The following ATP5F1E variants were observed in gnomAD, a reference collection of about 807,000 sequenced individuals.
ATP5F1E encodes the protein ATP synthase F1 subunit epsilon, also known as ATP synthase F(1) complex subunit epsilon, mitochondrial.
ATP5F1E carries 5 observed loss-of-function variants against 7.0 expected under a neutral mutation model. The ratio of observed to expected loss-of-function variants is 0.71; its 90% CI spans 0.37 to 1.49. The LOEUF is 1.49. Ranked by LOEUF, ATP5F1E falls within the 40% of genes most tolerant of loss-of-function variation. ATP5F1E has a pLI of 0.03. For missense variants in ATP5F1E, 59 were observed against 57.1 expected, an observed-to-expected ratio of 1.03 and a Z score of -0.11; for synonymous variants, 20 against 20.1, an observed-to-expected ratio of 0.99 and a Z score of 0.02.
chr20:59,029,846 T>C (rs759452539), intron 2 of ATP5F1E: 1 of 211,230 alleles, frequency 4.7e-6, no homozygotes, highest in Non-Finnish European at 9.7e-6. Flanking sequence ...CCTGTGCCTG[T>C]AGTTATTATG....
Position 59,026,792 on chromosome 20 carries a change from T to C in ATP5F1E, c.*2053A>G, listed in dbSNP as rs900870048. ...GTCCCTTTTGATTTTGAAGAGCTTATCCTTTAGCAGTACGGTTGCTCCAGC... is the reference window on the plus strand; with the variant it reads ...GTCCCTTTTGATTTTGAAGAGCTTACCCTTTAGCAGTACGGTTGCTCCAGC... On this transcript the variant is annotated 3_prime_UTR_variant, in exon 3 of 3. Transcript: ENST00000243997. 1 of 152,236 alleles carries C rather than the reference T, an allele frequency of 6.6e-6. No individual in the cohort carries two copies. The highest frequency in any genetic ancestry group is 2.4e-5 in the African/African-American group (1 of 41,464). The allele number at this position is 152,236 out of a possible 1,614,324, so 9.4% of individuals were successfully genotyped here. A position where few individuals can be genotyped will look rare whatever the true frequency, so the allele number is the denominator to read the frequency against.
At chr20:59,030,176 C>A (rs1419805172) in intron 2 of ATP5F1E, 127 bp downstream of exon 2, 12 of 1,263,948 alleles carry the variant, frequency 9.5e-6, no homozygotes, top group African/African-American at 1.5e-5. Flanking sequence ...TTATACCATC[C>A]CAATAACTAA....
chr20:59,031,807 C>T (rs188941107), intron 1 of ATP5F1E, among the ~76,000 whole-genome samples: 1 of 152,382 alleles, frequency 6.6e-6, no homozygotes, highest in Non-Finnish European at 1.5e-5. Context: ...AAGGTCAAAG[C>T]TGCTAACGGC....
At position 59,027,546 on chromosome 20, in the gene ATP5F1E, C is replaced by T. The variant is rs1016967133; in HGVS notation, c.*1299G>A. 2 of 152,204 alleles carry T rather than the reference C, an allele frequency of 1.3e-5. No individual in the cohort carries two copies. The highest frequency in any genetic ancestry group is 2.9e-5 in the Non-Finnish European group (2 of 68,056). 9.4% of individuals were successfully genotyped at this position (152,204 alleles called of 1,614,324 possible). ...CTTTATTCGTCCCATGTCAAAAAGG[C>T]CCGATAGCTTTTTGATTCATTTATT... On this transcript the variant is annotated 3_prime_UTR_variant, in exon 3 of 3. Coordinates refer to ENST00000243997, the MANE Select transcript of ATP5F1E (RefSeq NM_006886.4).
At chr20:59,031,711 A>G (rs2092031589) in intron 1 of ATP5F1E, among the ~76,000 whole-genome samples, 1 of 152,194 alleles carries the variant, frequency 6.6e-6, no homozygotes, top group Non-Finnish European at 1.5e-5. Context: ...CCTTTTAGAC[A>G]TAAGGAAACC....
intron 1 of ATP5F1E, among the ~76,000 whole-genome samples, 193 bp from the exon 2 acceptor site, chr20:59,030,622 A>G (rs912885376): frequency 1.6e-4 from 24 of 152,358 alleles, no homozygotes; most frequent in African/African-American, 5.3e-4. Context: ...AAAATGTACC[A>G]AAGTATTAAC....
intron 1 of ATP5F1E, among the ~76,000 whole-genome samples, chr20:59,030,739 C>T (rs1176104508): frequency 6.6e-6 from 1 of 152,094 alleles, no homozygotes; most frequent in African/African-American, 2.4e-5. Context: ...AAAAATCCCA[C>T]AGCATAGAAA....
intron 1 of ATP5F1E, among the ~76,000 whole-genome samples, chr20:59,030,987 A>C (rs780242048): frequency 6.6e-6 from 1 of 152,252 alleles, no homozygotes. Context: ...AATCAAACTG[A>C]AAAGTGCTTA....
rs544864539 is a variant in ATP5F1E, at chr20:59,030,556, A to C, written c.33-127T>G. 29 of 1,207,670 alleles carry C rather than the reference A, an allele frequency of 2.4e-5. No individual in the cohort carries two copies. In the African/African-American group the frequency reaches 4.3e-4, roughly 18 times the overall value. The allele number at this position is 1,207,670 out of a possible 1,614,324, so 74.8% of individuals were successfully genotyped here. On this transcript the variant is annotated intron_variant, in intron 1 of 2. Coordinates refer to ENST00000243997, the MANE Select transcript of ATP5F1E (RefSeq NM_006886.4). ...TGGTTGTACCTTATTGTAGAATTGG[A>C]TTTAAAAATATGACTAATGCCAAAA...
At chr20:59,031,829 G>A (rs952467160) in intron 1 of ATP5F1E, among the ~76,000 whole-genome samples, 1 of 152,252 alleles carries the variant, frequency 6.6e-6, no homozygotes, top group Non-Finnish European at 1.5e-5. Context: ...GTCACGTGGA[G>A]AGAAATCTCC....
chr20:59,029,222 C>G (rs969912841), intron 2 of ATP5F1E: 2 of 152,182 alleles, frequency 1.3e-5, no homozygotes, highest in African/African-American at 4.8e-5. Context: ...GCATTAGATG[C>G]AGTCTGGCAG....
chr20:59,025,824 G>A lies in ATP5F1E; in HGVS notation c.*3021C>T, dbSNP rs1396108762. ...TTTGCAGAAGTTGCCATAAATGTTT[G>A]CATAATGACATAGCTTTAAGCACTA... On this transcript the variant is annotated 3_prime_UTR_variant, in exon 3 of 3. Coordinates refer to ENST00000243997, the MANE Select transcript of ATP5F1E (RefSeq NM_006886.4). 6.6e-6 allele frequency: 1 copy of A among 152,228 alleles called. No homozygotes were observed. The highest frequency in any genetic ancestry group is 2.4e-5 in the African/African-American group (1 of 41,462). 9.4% of individuals were successfully genotyped at this position (152,228 alleles called of 1,614,324 possible).
Position 59,032,302 on chromosome 20 carries a change from T to A in ATP5F1E, c.-51A>T, listed in dbSNP as rs371578732. 2.5e-6 allele frequency: 4 copies of A among 1,581,362 alleles called. No homozygotes were observed. The African/African-American group carries it at 4.0e-5, about 16-fold the overall frequency. On this transcript the variant is annotated 5_prime_UTR_variant, in exon 1 of 3. Coordinates refer to ENST00000243997, the MANE Select transcript of ATP5F1E (RefSeq NM_006886.4). ...GGCCGAATCGCCAAGACGCCGGCAA[T>A]GTCGGCTCAGCCGGGCGGTTCAGCC...
rs1191974207 is a variant in ATP5F1E, at chr20:59,026,700, A to T, written c.*2145T>A. The T allele has an allele frequency of 6.6e-6, 1 of 152,244 alleles. No individual in the cohort carries two copies. The highest frequency in any genetic ancestry group is 1.5e-5 in the Non-Finnish European group (1 of 68,050). The allele number at this position is 152,244 out of a possible 1,614,324, so 9.4% of individuals were successfully genotyped here. A position where few individuals can be genotyped will look rare whatever the true frequency, so the allele number is the denominator to read the frequency against. On this transcript the variant is annotated 3_prime_UTR_variant, in exon 3 of 3. Transcript: ENST00000243997. ...AAAATATTTAGAAATGCATCTCACC[A>T]TCCTACTCTTTCGTATGGTAGAAAT...
Position 59,032,200 on chromosome 20 carries a change from C to T in ATP5F1E, c.32+20G>A, listed in dbSNP as rs779616365. 6 of 1,568,972 alleles carry T rather than the reference C, an allele frequency of 3.8e-6. No individual in the cohort carries two copies. In the African/African-American group the frequency reaches 4.1e-5, roughly 11 times the overall value. Reference sequence around the variant, plus strand: ...GCGGGCCGGCTCGCGAAGCCCTTCCCTCTGGAGGCCTGGGCCTACCTGAGT... The same window carrying T: ...GCGGGCCGGCTCGCGAAGCCCTTCCTTCTGGAGGCCTGGGCCTACCTGAGT... On this transcript the variant is annotated intron_variant, in intron 1 of 2. Transcript: ENST00000243997.
At chr20:59,029,541 C>T (rs2092012586) in intron 2 of ATP5F1E, 1 of 152,154 alleles carries the variant, frequency 6.6e-6, no homozygotes. Flanking sequence ...AAAAGCAAAA[C>T]AAGAAAAATT....
At chr20:59,032,111 A>T in intron 1 of ATP5F1E, 109 bp downstream of exon 1, 1 of 1,472,182 alleles carries the variant, frequency 6.8e-7, no homozygotes, top group Non-Finnish European at 9.2e-7. Flanking sequence ...GGCTTGGCCC[A>T]ACCCCGGTCA....
chr20:59,031,011 A>C (rs1189502422), intron 1 of ATP5F1E, among the ~76,000 whole-genome samples: 1 of 152,254 alleles, frequency 6.6e-6, no homozygotes, highest in Non-Finnish European at 1.5e-5. Context: ...AACATCATCA[A>C]TTCTAGCAAA....
chr20:59,026,304 T>A lies in ATP5F1E; in HGVS notation c.*2541A>T, dbSNP rs193227473. The A allele has an allele frequency of 2.0e-5, 3 of 152,236 alleles. No individual in the cohort carries two copies. Among genetic ancestry groups the A allele is most frequent in the African/African-American group, 7.2e-5 (3 of 41,470 alleles). The allele number at this position is 152,236 out of a possible 1,614,324, so 9.4% of individuals were successfully genotyped here. A position where few individuals can be genotyped will look rare whatever the true frequency, so the allele number is the denominator to read the frequency against. ...TTCAAAAAACACAAAACAACATTCA[T>A]GTTTTAAATGCTTTCTACTTGTGGT... On this transcript the variant is annotated 3_prime_UTR_variant, in exon 3 of 3. Coordinates refer to ENST00000243997, the MANE Select transcript of ATP5F1E (RefSeq NM_006886.4).
Sources: allele counts gnomAD v4.1 joint callset (sites outside exome capture counted in the v4.1 genomes callset), GRCh38; gene constraint gnomAD v4.1.1; transcripts MANE v1.5; gene names NCBI Gene and HGNC (gene_info 2026-07-23, HGNC 2026-07-21).